The following MINDY3 variants were observed in gnomAD, a reference collection of about 807,000 sequenced individuals.
The protein encoded by MINDY3 is ubiquitin carboxyl-terminal hydrolase MINDY-3.
A neutral mutation model predicts 69.2 loss-of-function variants in MINDY3; 38 were observed. That is an observed-to-expected ratio of 0.55 (90% CI 0.42 to 0.72). The LOEUF (loss-of-function observed/expected upper bound fraction) is 0.72. MINDY3 is among the 30% of genes least tolerant of loss of function. The pLI is 0.00. For missense variants in MINDY3, 522 were observed against 519.0 expected (o/e 1.01, Z -0.06); for synonymous variants, 192 against 180.1 (o/e 1.07, Z -0.53).
At chr10:15,818,581 G>C (rs1361808182) in intron 9 of MINDY3, among the ~76,000 whole-genome samples, 2 of 152,052 alleles carry the variant, frequency 1.3e-5, no homozygotes, top group Non-Finnish European at 2.9e-5. Flanking sequence ...AGTCATAACA[G>C]CTAAAGTAGA....
intron 10 of MINDY3, among the ~76,000 whole-genome samples, chr10:15,813,510 T>A (rs570610385): frequency 3.9e-4 from 59 of 152,320 alleles, no homozygotes; most frequent in Middle Eastern, 3.4e-3. Context: ...TCATCACACT[T>A]GTAAATTTAT....
Position 15,841,407 on chromosome 10 carries a change from A to T in MINDY3, c.409+19T>A, listed in dbSNP as rs757670501. On this transcript the variant is annotated intron_variant, in intron 4 of 14. Coordinates refer to ENST00000277632, the MANE Select transcript of MINDY3 (RefSeq NM_024948.4). Reference sequence around the variant, plus strand: ...AAAGGAACAAGAAAAAAACTTCAGGAAATAAAAATATATCTTACAAGAATG... The same window carrying T: ...AAAGGAACAAGAAAAAAACTTCAGGTAATAAAAATATATCTTACAAGAATG... 26 of 1,582,166 alleles carry T rather than the reference A, an allele frequency of 1.6e-5. No homozygotes were observed. In the East Asian group the frequency reaches 5.2e-4, roughly 31 times the overall value.
intron 4 of MINDY3, among the ~76,000 whole-genome samples, chr10:15,839,076 T>C (rs1347457873): frequency 1.3e-5 from 2 of 151,670 alleles, no homozygotes; most frequent in Non-Finnish European, 3.0e-5. Context: ...GAGTTATTTA[T>C]CACAATGAAT....
intron 1 of MINDY3, among the ~76,000 whole-genome samples, chr10:15,848,514 G>C (rs1834013669): frequency 2.0e-5 from 3 of 151,548 alleles, no homozygotes; most frequent in Admixed American, 6.6e-5. Flanking sequence ...GGCAACTGTA[G>C]TCCCAGCTAC....
chr10:15,833,211 G>C (rs1832849439), intron 8 of MINDY3, among the ~76,000 whole-genome samples: 1 of 152,176 alleles, frequency 6.6e-6, no homozygotes, highest in Non-Finnish European at 1.5e-5. Context: ...AATTTGCTCG[G>C]TGTTTTAAAG....
intron 11 of MINDY3, among the ~76,000 whole-genome samples, chr10:15,791,888 G>A (rs1156713771): frequency 6.6e-6 from 1 of 152,088 alleles, no homozygotes; most frequent in Admixed American, 6.6e-5. Flanking sequence ...ATAAACAGGA[G>A]AGCCTAGCAG....
chr10:15,811,569 AT>A (rs564397922), intron 10 of MINDY3, among the ~76,000 whole-genome samples: 75 of 152,274 alleles, frequency 4.9e-4, no homozygotes, highest in South Asian at 1.2e-3. Context: ...TGGTATATGT[AT>A]TTGAATGTCA....
At chr10:15,857,874 T>C in intron 1 of MINDY3, 1 of 813,180 alleles carries the variant, frequency 1.2e-6, no homozygotes, top group Non-Finnish European at 1.5e-6. Context: ...CTAGACATAA[T>C]TGTATAAATA....
At chr10:15,841,861 A>G (rs1564520691) in intron 3 of MINDY3, among the ~76,000 whole-genome samples, 1 of 151,790 alleles carries the variant, frequency 6.6e-6, no homozygotes, top group Non-Finnish European at 1.5e-5. Context: ...AAACATTATG[A>G]AAGATCATAA....
At chr10:15,821,434 G>T (rs72781879) in intron 9 of MINDY3, among the ~76,000 whole-genome samples, 7,355 of 151,946 alleles carry the variant, frequency 0.048, 295 homozygotes, top group African/African-American at 0.11. Context: ...CCCCTCCTCC[G>T]ACAAAAATAA....
intron 2 of MINDY3, among the ~76,000 whole-genome samples, chr10:15,847,494 A>C (rs1833934706): frequency 6.6e-6 from 1 of 152,236 alleles, no homozygotes; most frequent in South Asian, 2.1e-4. Context: ...TAGGAAAGTA[A>C]CTTTTACAGA....
chr10:15,842,063 C>CGTCA (rs1027719568), intron 3 of MINDY3, among the ~76,000 whole-genome samples: 4 of 151,654 alleles, frequency 2.6e-5, no homozygotes, highest in African/African-American at 9.7e-5. Flanking sequence ...GATGAGAGAC[C>CGTCA]GTCAGCACAT....
intron 8 of MINDY3, among the ~76,000 whole-genome samples, chr10:15,823,336 T>C (rs954158208): frequency 6.6e-6 from 1 of 152,188 alleles, no homozygotes; most frequent in Non-Finnish European, 1.5e-5. Flanking sequence ...ATTTTCATAA[T>C]ATGATGTTAA....
chr10:15,792,288 G>A (rs1837479050), intron 11 of MINDY3, among the ~76,000 whole-genome samples: 1 of 152,058 alleles, frequency 6.6e-6, no homozygotes, highest in Non-Finnish European at 1.5e-5. Flanking sequence ...AGGGCAGGGA[G>A]TCCAGATCCC....
At chr10:15,786,712 T>A (rs764061938) in intron 12 of MINDY3, 64 bp from the exon 13 acceptor site, 1 of 969,634 alleles carries the variant, frequency 1.0e-6, no homozygotes, top group Non-Finnish European at 1.6e-6. Flanking sequence ...TTTTCTTTCA[T>A]GATTAAATTA....
At chr10:15,793,363 T>C (rs2131868830) in intron 11 of MINDY3, among the ~76,000 whole-genome samples, 1 of 152,228 alleles carries the variant, frequency 6.6e-6, no homozygotes, top group South Asian at 2.1e-4. Context: ...CCACAGAAAG[T>C]ACAATTTTGT....
At chr10:15,816,494 TTAAA>T (rs1839378962) in intron 10 of MINDY3, among the ~76,000 whole-genome samples, 1 of 152,130 alleles carries the variant, frequency 6.6e-6, no homozygotes, top group Middle Eastern at 3.4e-3. Context: ...ATCATCTAAG[TTAAA>T]TAAATCTTTT....
intron 10 of MINDY3, among the ~76,000 whole-genome samples, chr10:15,815,836 A>G (rs904527513): frequency 6.6e-6 from 1 of 152,230 alleles, no homozygotes; most frequent in African/African-American, 2.4e-5. Flanking sequence ...AGAGATGTTA[A>G]GAAGTGGCAA....
intron 1 of MINDY3, chr10:15,857,979 A>C (rs1564540525): frequency 1.0e-6 from 1 of 982,504 alleles, no homozygotes; most frequent in African/African-American, 1.7e-5. Flanking sequence ...TATGAAATAA[A>C]GCCAGAGTTG....
Sources: allele counts gnomAD v4.1 joint callset (sites outside exome capture counted in the v4.1 genomes callset), GRCh38; gene constraint gnomAD v4.1.1; transcripts MANE v1.5; gene names NCBI Gene and HGNC (gene_info 2026-07-23, HGNC 2026-07-21).